PLXNA2: variants seen among roughly 807,000 people sequenced by gnomAD.
The protein encoded by PLXNA2 is plexin-A2.
In PLXNA2, 91 loss-of-function variants were observed where a neutral mutation model predicts 193.5. The observed-to-expected ratio is 0.47, with a 90% CI of 0.40 to 0.56. PLXNA2 has a LOEUF of 0.56. PLXNA2 is among the 20% of genes least tolerant of loss of function. The pLI is 0.00. For missense variants in PLXNA2, 1,995 were observed against 2,503.2 expected, an observed-to-expected ratio of 0.80 and a Z score of 4.33; for synonymous variants, 997 against 1,027.3, an observed-to-expected ratio of 0.97 and a Z score of 0.56.
chr1:208,137,466 G>C (rs1668337856), intron 4 of PLXNA2, among the ~76,000 whole-genome samples: 1 of 152,108 alleles, frequency 6.6e-6, no homozygotes, highest in African/African-American at 2.4e-5. Flanking sequence ...TTTTCACTTG[G>C]CTCATAGCCT....
chr1:208,099,721 C>A (rs1401350718), intron 5 of PLXNA2, among the ~76,000 whole-genome samples: 1 of 152,094 alleles, frequency 6.6e-6, no homozygotes, highest in Non-Finnish European at 1.5e-5. Context: ...CAGGCGCCCA[C>A]CACCGTGCCC....
intron 5 of PLXNA2, among the ~76,000 whole-genome samples, chr1:208,101,752 G>A (rs1444946026): frequency 6.6e-6 from 1 of 152,190 alleles, no homozygotes. Flanking sequence ...GTTCGACATG[G>A]GAGAAGTGCC....
chr1:208,198,726 G>GCT (rs1206101287), intron 3 of PLXNA2, among the ~76,000 whole-genome samples: 1 of 152,196 alleles, frequency 6.6e-6, no homozygotes, highest in East Asian at 1.9e-4. Flanking sequence ...TCTTCTTGCA[G>GCT]CTCTCCATCA....
intron 4 of PLXNA2, among the ~76,000 whole-genome samples, chr1:208,118,602 G>A (rs1183663233): frequency 2.0e-5 from 3 of 152,122 alleles, no homozygotes; most frequent in Non-Finnish European, 4.4e-5. Flanking sequence ...GGTTAGTGTG[G>A]GGACTGTTCA....
At position 208,025,166 on chromosome 1, in the gene PLXNA2, C is replaced by T. The variant is rs1039143370; in HGVS notation, c.*2077G>A. ...ATTTTGCTGAATGCTTTTCTCTTCC[C>T]ATTTGTCAGCCGCATTCAGGCAAGA... is the stretch of plus-strand genomic sequence containing the variant. On this transcript the variant is annotated 3_prime_UTR_variant, in exon 32 of 32. Transcript: ENST00000367033. 6 of 152,604 alleles carry T rather than the reference C, an allele frequency of 3.9e-5. No homozygotes were observed. The highest frequency in any genetic ancestry group is 1.9e-4 in the East Asian group (1 of 5,196). 9.5% of individuals were successfully genotyped at this position (152,604 alleles called of 1,614,324 possible). A position where few individuals can be genotyped will look rare whatever the true frequency, so the allele number is the denominator to read the frequency against.
chr1:208,039,994 T>C lies in PLXNA2; in HGVS notation c.4351A>G (p.Lys1451Glu). ...CCCCGTCTCACTCCCTTTCTCACCT[T>C]TAGGAACTTGTGCAGGAGGAAGGCG... ...WFAFLLHKFL[K>E]ECAGEPLFML... Residue 1451 changes from lysine (K) to glutamate (E), a missense_variant and splice_region_variant, in exon 23 of 32, where the codon AAG becomes GAG. By Grantham distance (56) the Lys-to-Glu change is moderately conservative. Around this residue, in one of 3 missense-constraint regions of PLXNA2, gnomAD observed 1,291 missense variants for 1,673.6 expected, o/e 0.77. Coordinates refer to ENST00000367033, the MANE Select transcript of PLXNA2 (RefSeq NM_025179.4). 1 of 1,613,898 alleles carries C rather than the reference T, an allele frequency of 6.2e-7. No homozygotes were observed. The highest frequency in any genetic ancestry group is 8.5e-7 in the Non-Finnish European group (1 of 1,179,834).
chr1:208,234,244 T>A (rs1671780913), intron 1 of PLXNA2, among the ~76,000 whole-genome samples: 2 of 152,160 alleles, frequency 1.3e-5, no homozygotes, highest in South Asian at 2.1e-4. Context: ...GGGTTTCACA[T>A]CCACTGTGTG....
rs994772120 is a variant in PLXNA2, at chr1:208,084,674, C to T, written c.2098-94G>A. 19 of 1,211,642 alleles carry T rather than the reference C, an allele frequency of 1.6e-5. No homozygotes were observed. The East Asian group carries it at 3.1e-4, about 20-fold the overall frequency. The allele number at this position is 1,211,642 out of a possible 1,614,324, so 75.1% of individuals were successfully genotyped here. ...GGCCCCTCTTGTATCAGGTGAGCTG[C>T]CCAAGAGCAGGATATTACCTCATGT... On this transcript the variant is annotated intron_variant, in intron 9 of 31. Transcript: ENST00000367033.
At position 208,084,465 on chromosome 1, in the gene PLXNA2, T is replaced by G. The variant is rs548524489; in HGVS notation, c.2213A>C (p.Glu738Ala). The change falls in exon 10 of 32, where the codon GAG (glutamate) becomes GCG (alanine). Residue 738 changes from glutamate (E) to alanine (A), a missense_variant. Glu to Ala is a moderately radical substitution (Grantham distance 107). Coordinates refer to ENST00000367033, the MANE Select transcript of PLXNA2 (RefSeq NM_025179.4). ...GGCTCCTTGTATGTTGAGGACACAC[T>G]CATAGCCTCGCTGGCCGGACTGCGG... ...PQPQSGQRGY[E>A]CVLNIQGAIH... The G allele has an allele frequency of 6.2e-7, 1 of 1,614,230 alleles. No homozygotes were observed. The highest frequency in any genetic ancestry group is 1.1e-5 in the South Asian group (1 of 91,084).
At chr1:208,027,944 A>G in intron 31 of PLXNA2, 65 bp downstream of exon 31, 1 of 1,436,854 alleles carries the variant, frequency 7.0e-7, no homozygotes, top group Non-Finnish European at 9.3e-7. Flanking sequence ...CATCTATTTA[A>G]GGACTGAGTC....
chr1:208,191,367 T>A (rs1010775764), intron 3 of PLXNA2, among the ~76,000 whole-genome samples: 2 of 152,200 alleles, frequency 1.3e-5, no homozygotes, highest in Non-Finnish European at 2.9e-5. Flanking sequence ...ATTTATTGAA[T>A]GTCTTTTATA....
At chr1:208,060,913 A>T in intron 12 of PLXNA2, 76 bp from the exon 13 acceptor site, 1 of 1,431,254 alleles carries the variant, frequency 7.0e-7, no homozygotes, top group Non-Finnish European at 9.7e-7. Flanking sequence ...CCCCTCCCCC[A>T]GGGAGGTTTA....
chr1:208,108,526 C>T (rs1278836770), intron 4 of PLXNA2, among the ~76,000 whole-genome samples: 3 of 152,130 alleles, frequency 2.0e-5, no homozygotes, highest in African/African-American at 4.8e-5. Context: ...TCTCTGCCAC[C>T]CTATATGGAC....
At chr1:208,079,210 G>A in intron 12 of PLXNA2, 50 bp downstream of exon 12, 3 of 1,503,018 alleles carry the variant, frequency 2.0e-6, no homozygotes, top group Non-Finnish European at 2.8e-6. Flanking sequence ...CACTGTCTTG[G>A]GGTCAGCTCT....
intron 3 of PLXNA2, among the ~76,000 whole-genome samples, chr1:208,156,086 A>T (rs911302476): frequency 1.3e-5 from 2 of 151,136 alleles, no homozygotes; most frequent in Non-Finnish European, 3.0e-5. Flanking sequence ...GGCATTTCCT[A>T]AGTGGGGAAA....
chr1:208,062,677 C>T (rs1665655771), intron 12 of PLXNA2, among the ~76,000 whole-genome samples: 1 of 152,138 alleles, frequency 6.6e-6, no homozygotes, highest in Non-Finnish European at 1.5e-5. Context: ...AAATAAACAG[C>T]ACACATGAAA....
intron 3 of PLXNA2, among the ~76,000 whole-genome samples, chr1:208,158,618 C>A (rs572399160): frequency 3.0e-4 from 46 of 152,336 alleles, no homozygotes; most frequent in African/African-American, 1.1e-3. Context: ...TTAAAAGGAA[C>A]ACCCCCCAAC....
In PLXNA2 at chr1:208,031,684, G is replaced by T; in HGVS notation, c.5131C>A (p.Leu1711Met). Residue 1711 changes from leucine to methionine, a missense_variant, in exon 29 of 32, where the codon CTG becomes ATG. Leu to Met is a conservative substitution (Grantham distance 15, BLOSUM62 2). Coordinates refer to ENST00000367033, the MANE Select transcript of PLXNA2 (RefSeq NM_025179.4). ...AAATCAAACATGTACTTGATGGCCA[G>T]GGGGAGAGCGCTGCCCCGGTGCACA... Reference protein sequence around the residue: ...STVHRGSALPLAIKYMFDFLD... With the variant: ...STVHRGSALPMAIKYMFDFLD... The T allele has an allele frequency of 1.2e-6, 2 of 1,613,762 alleles. No homozygotes were observed. Among genetic ancestry groups the T allele is most frequent in the Non-Finnish European group, 8.5e-7 (1 of 1,179,918 alleles).
chr1:208,042,429 G>A (rs1664902991), intron 21 of PLXNA2, 63 bp from the exon 22 acceptor site: 1 of 1,562,232 alleles, frequency 6.4e-7, no homozygotes, highest in Admixed American at 1.8e-5. Context: ...CCTACCTGAG[G>A]GTCTCACTGA....
Sources: allele counts gnomAD v4.1 joint callset (sites outside exome capture counted in the v4.1 genomes callset), GRCh38; gene constraint gnomAD v4.1.1; regional missense constraint gnomAD v4.1.1; transcripts MANE v1.5; gene names NCBI Gene and HGNC (gene_info 2026-07-23, HGNC 2026-07-21).